GRM4: variants seen among roughly 807,000 people sequenced by gnomAD.
GRM4 encodes the protein metabotropic glutamate receptor 4.
GRM4 carries 28 observed loss-of-function variants against 81.7 expected under a neutral mutation model. The ratio of observed to expected loss-of-function variants is 0.34; its 90% CI spans 0.25 to 0.47. The LOEUF is 0.47. Ranked by LOEUF, GRM4 falls within the 20% of genes least tolerant of loss-of-function variation. GRM4 has a pLI of 1.00. For synonymous variants in GRM4, 488 were observed against 528.8 expected (o/e 0.92, Z 1.06); for missense variants, 948 against 1,290.0 (o/e 0.73, Z 4.06).
chr6:34,025,972 C>G (rs962925560), intron 10 of GRM4, among the ~76,000 whole-genome samples: 1 of 152,132 alleles, frequency 6.6e-6, no homozygotes, highest in African/African-American at 2.4e-5. Flanking sequence ...GAGGGGAAGG[C>G]CAAGGGGTGT....
At chr6:34,135,287 C>T (rs1770415261) in intron 1 of GRM4, among the ~76,000 whole-genome samples, 1 of 152,230 alleles carries the variant, frequency 6.6e-6, no homozygotes, top group Non-Finnish European at 1.5e-5. Context: ...CCAGCCTCAG[C>T]TCCTGAGCTT....
chr6:34,098,704 T>C (rs1338963551), intron 2 of GRM4, among the ~76,000 whole-genome samples: 3 of 152,222 alleles, frequency 2.0e-5, no homozygotes, highest in African/African-American at 7.2e-5. Flanking sequence ...TAAAAGCCAG[T>C]GATGCTTTCA....
intron 3 of GRM4, among the ~76,000 whole-genome samples, chr6:34,083,196 G>A (rs968938596): frequency 6.6e-6 from 1 of 152,172 alleles, no homozygotes; most frequent in Non-Finnish European, 1.5e-5. Flanking sequence ...TCAGGCAGAG[G>A]GAGCCAGGAA....
chr6:34,065,528 G>T (rs1766411523), intron 3 of GRM4, among the ~76,000 whole-genome samples: 1 of 152,116 alleles, frequency 6.6e-6, no homozygotes, highest in South Asian at 2.1e-4. Flanking sequence ...ACGGGGAGGG[G>T]GACACACATG....
rs1769868800 is a variant in GRM4, at chr6:34,122,837, CTG to C, written c.519+10139_519+10140del. On this transcript the variant is annotated intron_variant, in intron 2 of 10. Transcript: ENST00000538487. ...AATCCTGCCCTCAAGAAACTCAGAA[CTG>C]TGGGGAGAGACACGATTCCCGCAAG... is the stretch of plus-strand genomic sequence containing the variant. Among the ~76,000 whole-genome samples the C allele has an allele frequency of 2.6e-5, 4 of 152,224 alleles. No homozygotes were observed. The South Asian group carries it at 8.3e-4, about 32-fold the overall frequency.
chr6:34,079,266 A>C (rs1767466547), intron 3 of GRM4, among the ~76,000 whole-genome samples: 1 of 152,088 alleles, frequency 6.6e-6, no homozygotes, highest in South Asian at 2.1e-4. Flanking sequence ...GAAGGCAGGC[A>C]TGCAGCCAGG....
rs564143867 is a variant in GRM4 at position 34,044,903 on chromosome 6, C to G, written c.1169-4155G>C. Among the ~76,000 whole-genome samples, 506 of 151,436 alleles carry G rather than the reference C, an allele frequency of 3.3e-3. 3 individuals are homozygous for G. Among genetic ancestry groups the G allele is most frequent in the South Asian group, 5.8e-3 (28 of 4,814 alleles). On this transcript the variant is annotated intron_variant, in intron 6 of 10. Coordinates refer to ENST00000538487, the MANE Select transcript of GRM4 (RefSeq NM_000841.4). ...ATATACAGACATACACATACACACA[C>G]AGACATACATACACATATATACACA...
intron 10 of GRM4, among the ~76,000 whole-genome samples, chr6:34,025,844 A>T (rs7772932): frequency 0.35 from 53,677 of 152,094 alleles, 9,706 homozygotes; most frequent in Admixed American, 0.41. Context: ...GTCAGCCAAG[A>T]GGTGAACAGA....
chr6:34,028,191 A>C lies in GRM4; in HGVS notation c.2618T>G (p.Phe873Cys). Residue 873 changes from phenylalanine to cysteine, a missense_variant, in exon 10 of 11, where the codon TTC (phenylalanine) becomes TGC (cysteine). Phe to Cys is a radical substitution (Grantham distance 205). Coordinates refer to ENST00000538487, the MANE Select transcript of GRM4 (RefSeq NM_000841.4). ...GGGCCGGAAGTTGCCCTTCTGCGTG[A>C]ACTTGTTGGACATGGTGGCCGCCGT... ...VVTAATMSNK[F>C]TQKGNFRPNG... 1.9e-6 allele frequency: 3 copies of C among 1,613,958 alleles called. No individual in the cohort carries two copies. Among genetic ancestry groups the C allele is most frequent in the Non-Finnish European group, 2.5e-6 (3 of 1,179,994 alleles).
chr6:34,141,756 T>C (rs1216928437), intron 1 of GRM4, among the ~76,000 whole-genome samples: 4 of 152,056 alleles, frequency 2.6e-5, no homozygotes, highest in South Asian at 2.1e-4. Context: ...GCAAGTTCCA[T>C]TGACATGCCT....
chr6:34,088,048 G>A (rs1427384120), intron 3 of GRM4, among the ~76,000 whole-genome samples: 2 of 152,084 alleles, frequency 1.3e-5, no homozygotes, highest in Non-Finnish European at 2.9e-5. Flanking sequence ...GTAGGGCTGG[G>A]ACCCAGGCAG....
At position 34,090,477 on chromosome 6, in the gene GRM4, G is replaced by A. The variant is rs1018323257; in HGVS notation, c.736+1406C>T. 6.6e-5 allele frequency among the ~76,000 whole-genome samples: 10 copies of A among 152,196 alleles called. No homozygotes were observed. Among genetic ancestry groups the A allele is most frequent in the South Asian group, 2.1e-4 (1 of 4,816 alleles). ...AGGGAGGGGCTGGGCTCTGGGGCTC[G>A]GAGGCTCTGACACTGTCCGCCAGGG... is the stretch of plus-strand genomic sequence containing the variant. On this transcript the variant is annotated intron_variant, in intron 3 of 10. Transcript: ENST00000538487. This position sits in a 1 kb window ranked among gnomAD's most constrained non-coding sequence, Gnocchi z 5.2.
At chr6:34,041,168 C>T (rs1765005098) in intron 6 of GRM4, among the ~76,000 whole-genome samples, 1 of 152,186 alleles carries the variant, frequency 6.6e-6, no homozygotes, top group Non-Finnish European at 1.5e-5. Flanking sequence ...ACAGCCAGGA[C>T]AGGGGCTATG....
At position 34,115,935 on chromosome 6, in the gene GRM4, A is replaced by C. The variant is rs1244512323; in HGVS notation, c.519+17043T>G. Among the ~76,000 whole-genome samples, 1 of 152,222 alleles carries C rather than the reference A, an allele frequency of 6.6e-6. No homozygotes were observed. The highest frequency in any genetic ancestry group is 1.5e-5 in the Non-Finnish European group (1 of 68,042). On this transcript the variant is annotated intron_variant, in intron 2 of 10. Transcript: ENST00000538487. The surrounding 1 kb of genome is among the most constrained non-coding windows in gnomAD (Gnocchi z 4.1). ...AAAATGAGGTACCGATGTTGGCCGC[A>C]CCAGAAGAGGGCTTTAATTACATAC...
rs772460460 is a variant in GRM4, at chr6:34,040,723, T to C, written c.1194A>G (p.Ser398=). 1 of 1,613,966 alleles carries C rather than the reference T, an allele frequency of 6.2e-7. No individual in the cohort carries two copies. Among genetic ancestry groups the C allele is most frequent in the Non-Finnish European group, 8.5e-7 (1 of 1,179,842 alleles). The part of the protein sequence containing the change: ...CTNRERIGQD[S]AYEQEGKVQF... The stretch of plus-strand genomic sequence containing the variant: ...GCACCTTCCCCTCCTGCTCATAAGC[T>C]GAATCCTGCCCAATTCGCTCACGGT... The change falls in exon 7 of 11, where the codon TCA becomes TCG. Residue 398 remains serine (S), a synonymous_variant. Transcript: ENST00000538487.
Position 34,019,853 on chromosome 6 carries a change from C to T in GRM4, c.*2968G>A, listed in dbSNP as rs1343783176. 4 of 152,258 alleles carry T rather than the reference C, an allele frequency of 2.6e-5. No individual in the cohort carries two copies. The highest frequency in any genetic ancestry group is 9.7e-5 in the African/African-American group (4 of 41,432). The allele number at this position is 152,258 out of a possible 1,614,324, so 9.4% of individuals were successfully genotyped here. Reference sequence around the variant, plus strand: ...CAATTGTGAAGGGCCAGGCGTCCCTCCTGCCATGGGCATCAGGGCAGGTCC... The same window carrying T: ...CAATTGTGAAGGGCCAGGCGTCCCTTCTGCCATGGGCATCAGGGCAGGTCC... On this transcript the variant is annotated 3_prime_UTR_variant, in exon 11 of 11. Coordinates refer to ENST00000538487, the MANE Select transcript of GRM4 (RefSeq NM_000841.4).
Position 34,022,640 on chromosome 6 carries a change from C to A in GRM4, c.*181G>T, listed in dbSNP as rs1763934596. ...CCCGGCCCCTCGTCCTCCTGTTGCTCACCCGGTTTGCCCAGGCTGCCAGCA... is the reference window on the plus strand; with the variant it reads ...CCCGGCCCCTCGTCCTCCTGTTGCTAACCCGGTTTGCCCAGGCTGCCAGCA... On this transcript the variant is annotated 3_prime_UTR_variant, in exon 11 of 11. Transcript: ENST00000538487. This position sits in a 1 kb window ranked among gnomAD's most constrained non-coding sequence, Gnocchi z 5.6. 1 of 618,158 alleles carries A rather than the reference C, an allele frequency of 1.6e-6. No homozygotes were observed. The highest frequency in any genetic ancestry group is 1.8e-5 in the African/African-American group (1 of 54,752). 38.3% of individuals were successfully genotyped at this position (618,158 alleles called of 1,614,324 possible). A position where few individuals can be genotyped will look rare whatever the true frequency, so the allele number is the denominator to read the frequency against.
chr6:34,033,681 TTCTC>T (rs371967309), intron 9 of GRM4, among the ~76,000 whole-genome samples: 178 of 145,134 alleles, frequency 1.2e-3, no homozygotes, highest in African/African-American at 3.9e-3. Flanking sequence ...TTCTTTCTCT[TTCTC>T]TCTCTCTCTC....
intron 3 of GRM4, among the ~76,000 whole-genome samples, chr6:34,088,690 C>T (rs544010895): frequency 6.6e-6 from 1 of 152,178 alleles, no homozygotes; most frequent in Non-Finnish European, 1.5e-5. Flanking sequence ...CCTAGGCAAG[C>T]CACATCACTT....
Sources: allele counts gnomAD v4.1 joint callset (sites outside exome capture counted in the v4.1 genomes callset), GRCh38; gene constraint gnomAD v4.1.1; non-coding constraint Gnocchi (gnomAD v3.1); transcripts MANE v1.5; gene names NCBI Gene and HGNC (gene_info 2026-07-23, HGNC 2026-07-21).